PHF14: variants seen among roughly 807,000 people sequenced by gnomAD.
PHF14 encodes PHD finger protein 14.
A neutral mutation model predicts 117.9 loss-of-function variants in PHF14; 55 were observed. The observed-to-expected ratio is 0.47, with a 90% CI of 0.38 to 0.58. The LOEUF is 0.58. Ranked by LOEUF, PHF14 falls within the 20% of genes least tolerant of loss-of-function variation. PHF14 has a pLI of 0.00. For synonymous variants in PHF14, 409 were observed against 368.6 expected, an observed-to-expected ratio of 1.11 and a Z score of -1.26; for missense variants, 978 against 1,122.2, an observed-to-expected ratio of 0.87 and a Z score of 1.84.
chr7:10,998,865 ACTT>A (rs996092495), intron 4 of PHF14, among the ~76,000 whole-genome samples: 12 of 152,182 alleles, frequency 7.9e-5, no homozygotes, highest in African/African-American at 2.7e-4. Flanking sequence ...TACCATCTCT[ACTT>A]CTTAAGTCAT....
chr7:11,151,636 T>C (rs1788704585), intron 17 of PHF14, among the ~76,000 whole-genome samples: 1 of 152,168 alleles, frequency 6.6e-6, no homozygotes, highest in Non-Finnish European at 1.5e-5. Flanking sequence ...GTAGTCAATT[T>C]AATAGTATTC....
chr7:11,061,760 G>GTT, intron 14 of PHF14, 31 bp from the exon 15 acceptor site: 1 of 1,469,694 alleles, frequency 6.8e-7, no homozygotes, highest in African/African-American at 1.5e-5. Flanking sequence ...GTGGATTTTT[G>GTT]TTTTTTGTTT....
chr7:11,006,808 A>G, intron 4 of PHF14: 1 of 803,226 alleles, frequency 1.2e-6, no homozygotes, highest in Non-Finnish European at 2.1e-6. Context: ...TGGCCTTGAA[A>G]GCCTTCGGTT....
intron 14 of PHF14, among the ~76,000 whole-genome samples, chr7:11,055,012 C>CAG (rs1784970820): frequency 6.6e-6 from 1 of 152,072 alleles, no homozygotes; most frequent in African/African-American, 2.4e-5. Context: ...GAACTCCTGG[C>CAG]AGACAGCAAC....
intron 7 of PHF14, 47 bp downstream of exon 7, chr7:11,028,865 C>T: frequency 6.6e-7 from 1 of 1,509,484 alleles, no homozygotes. Flanking sequence ...CACAAGATAT[C>T]TTTTGACTCT....
intron 2 of PHF14, among the ~76,000 whole-genome samples, chr7:10,975,490 C>T (rs1260014463): frequency 6.6e-6 from 1 of 152,116 alleles, no homozygotes; most frequent in African/African-American, 2.4e-5. Context: ...TGCATGCTTG[C>T]TCACTATATT....
At chr7:11,039,184 A>G (rs1045919529) in intron 11 of PHF14, among the ~76,000 whole-genome samples, 3 of 151,960 alleles carry the variant, frequency 2.0e-5, no homozygotes, top group Admixed American at 6.6e-5. Flanking sequence ...CCTTTAATTT[A>G]GCAGTTTTAG....
chr7:11,030,699 C>T (rs1784092513), intron 7 of PHF14, among the ~76,000 whole-genome samples: 1 of 152,146 alleles, frequency 6.6e-6, no homozygotes, highest in Admixed American at 6.5e-5. Context: ...AGGCATCTTC[C>T]TTGCCTTGCT....
intron 17 of PHF14, among the ~76,000 whole-genome samples, chr7:11,151,310 C>G (rs1284966618): frequency 6.6e-6 from 1 of 152,132 alleles, no homozygotes; most frequent in Non-Finnish European, 1.5e-5. Flanking sequence ...AATCCGAACA[C>G]TTTGGGAAGC....
intron 16 of PHF14, among the ~76,000 whole-genome samples, chr7:11,067,047 G>C (rs1009101950): frequency 1.3e-5 from 2 of 152,142 alleles, no homozygotes; most frequent in Non-Finnish European, 2.9e-5. Context: ...CCATAGGATA[G>C]GGGGGAATAT....
chr7:11,068,353 A>AG (rs1357266168), intron 16 of PHF14, among the ~76,000 whole-genome samples: 1 of 151,090 alleles, frequency 6.6e-6, no homozygotes, highest in Non-Finnish European at 1.5e-5. Flanking sequence ...CCGTCTCAAA[A>AG]AAAAAAAAAA....
In PHF14 at chr7:11,072,009, G is replaced by T. The variant is rs149404067; in HGVS notation, c.2654+9924G>T. ...TGTAAAATGAATGATTAAGTATGAG[G>T]ATTTATAACCATTCTGCTGAGTTGT... On this transcript the variant is annotated intron_variant, in intron 16 of 17. Transcript: ENST00000634607. 5.4e-3 allele frequency among the ~76,000 whole-genome samples: 815 copies of T among 152,262 alleles called. 5 individuals carry two copies. The highest frequency in any genetic ancestry group is 0.019 in the African/African-American group (776 of 41,544).
intron 14 of PHF14, 43 bp downstream of exon 14, chr7:11,051,823 G>A: frequency 6.5e-7 from 1 of 1,545,206 alleles, no homozygotes; most frequent in Non-Finnish European, 8.9e-7. Flanking sequence ...ACAATTCTGA[G>A]GCCAAAATTT....
At chr7:11,144,178 A>G (rs1788478399) in intron 17 of PHF14, among the ~76,000 whole-genome samples, 1 of 152,104 alleles carries the variant, frequency 6.6e-6, no homozygotes, top group Non-Finnish European at 1.5e-5. Context: ...TTCTCATCCC[A>G]GTTAGAATGG....
intron 6 of PHF14, among the ~76,000 whole-genome samples, chr7:11,026,142 C>T (rs1783904346): frequency 6.6e-6 from 1 of 150,968 alleles, no homozygotes; most frequent in Admixed American, 6.6e-5. Context: ...GAGAAATTGC[C>T]ACAGCCACTC....
intron 5 of PHF14, among the ~76,000 whole-genome samples, chr7:11,019,117 A>G (rs778307798): frequency 9.9e-5 from 15 of 152,026 alleles, no homozygotes; most frequent in Non-Finnish European, 1.6e-4. Flanking sequence ...TTTCTAACGT[A>G]TTGTTAAATT....
chr7:11,139,647 A>C (rs1313766904), intron 17 of PHF14, among the ~76,000 whole-genome samples: 3 of 152,222 alleles, frequency 2.0e-5, no homozygotes, highest in Admixed American at 1.3e-4. Context: ...ACCCTAAAGT[A>C]CTGGAGGTTT....
At chr7:11,043,880 TGAACTTATATAGA>T (rs1487707111) in intron 13 of PHF14, among the ~76,000 whole-genome samples, 2 of 152,128 alleles carry the variant, frequency 1.3e-5, no homozygotes, top group Non-Finnish European at 2.9e-5. Flanking sequence ...TGTTTTGCCA[TGAACTTATATAGA>T]GTTATGCAGT....
chr7:11,008,056 A>C lies in PHF14; in HGVS notation c.1046-5691A>C, dbSNP rs78388261. On this transcript the variant is annotated intron_variant, in intron 4 of 17. Coordinates refer to ENST00000634607, the MANE Select transcript of PHF14 (RefSeq NM_001007157.2). Reference sequence around the variant, plus strand: ...TCACTTATCCTGATATCCTGATTGTAGTGTGTCTGAATTCAGGAGAATGTC... The same window carrying C: ...TCACTTATCCTGATATCCTGATTGTCGTGTGTCTGAATTCAGGAGAATGTC... 6.3e-3 allele frequency among the ~76,000 whole-genome samples: 951 copies of C among 151,348 alleles called. 6 individuals carry two copies. Among genetic ancestry groups the C allele is most frequent in the African/African-American group, 0.022 (906 of 40,780 alleles).
Sources: gnomAD v4.1 joint callset for allele counts (sites outside exome capture counted in the v4.1 genomes callset) on GRCh38, gnomAD v4.1.1 for gene constraint, MANE v1.5 for transcripts, NCBI Gene and HGNC (gene_info 2026-07-23, HGNC 2026-07-21) for gene names.